Variants in MBD5 observed in about 807,000 individuals in gnomAD.
The protein encoded by MBD5 is methyl-CpG-binding domain protein 5.
In MBD5, 13 loss-of-function variants were observed where a neutral mutation model predicts 117.3. The observed-to-expected ratio is 0.11, with a 90% CI of 0.07 to 0.18. The LOEUF is 0.18. Ranked by LOEUF, MBD5 falls within the 10% of genes least tolerant of loss-of-function variation. The pLI is 1.00. For missense variants in MBD5, 1,879 were observed against 2,093.8 expected (o/e 0.90, Z 2.00); for synonymous variants, 727 against 766.4 (o/e 0.95, Z 0.85).
chr2:148,150,573 G>A (rs565231489), intron 1 of MBD5, among the ~76,000 whole-genome samples: 3 of 152,232 alleles, frequency 2.0e-5, no homozygotes, highest in East Asian at 3.9e-4. Context: ...TGACCCATGA[G>A]CATGGAATGT....
chr2:148,186,400 C>A (rs571647415), intron 2 of MBD5, among the ~76,000 whole-genome samples: 2 of 152,260 alleles, frequency 1.3e-5, no homozygotes, highest in South Asian at 4.1e-4. Flanking sequence ...AGCATGAAAA[C>A]AGACAAATAC....
intron 1 of MBD5, among the ~76,000 whole-genome samples, chr2:148,079,933 G>T (rs1695607834): frequency 6.6e-6 from 1 of 152,012 alleles, no homozygotes; most frequent in Admixed American, 6.6e-5. Context: ...TTTCCATAAA[G>T]TCCAGAACCT....
At chr2:148,499,400 T>C (rs1420087857) in intron 11 of MBD5, among the ~76,000 whole-genome samples, 1 of 152,210 alleles carries the variant, frequency 6.6e-6, no homozygotes, top group Non-Finnish European at 1.5e-5. Flanking sequence ...TTAAATGACA[T>C]GAGTAAAGAG....
At chr2:148,150,259 G>A (rs1312052460) in intron 1 of MBD5, among the ~76,000 whole-genome samples, 7 of 148,736 alleles carry the variant, frequency 4.7e-5, no homozygotes, top group African/African-American at 9.9e-5. Context: ...GTAGATATGC[G>A]GCGTTATTTC....
At chr2:148,166,524 C>T (rs1191997579) in intron 1 of MBD5, among the ~76,000 whole-genome samples, 1 of 152,184 alleles carries the variant, frequency 6.6e-6, no homozygotes, top group Non-Finnish European at 1.5e-5. Flanking sequence ...AGTGTTTCTC[C>T]CAAGTGCTGG....
At chr2:148,199,652 C>G (rs1237386983) in intron 2 of MBD5, among the ~76,000 whole-genome samples, 4 of 151,868 alleles carry the variant, frequency 2.6e-5, no homozygotes, top group Non-Finnish European at 5.9e-5. Flanking sequence ...CCAAGTTACC[C>G]TAGTGGCTGA....
chr2:148,349,427 T>C (rs1342018897), intron 4 of MBD5, among the ~76,000 whole-genome samples: 1 of 151,998 alleles, frequency 6.6e-6, no homozygotes, highest in Non-Finnish European at 1.5e-5. Flanking sequence ...ATTATCATCA[T>C]CATTACTCTG....
chr2:148,260,881 C>A (rs1485556242), intron 3 of MBD5, among the ~76,000 whole-genome samples: 1 of 152,146 alleles, frequency 6.6e-6, no homozygotes, highest in Non-Finnish European at 1.5e-5. Context: ...AAGACTTGAT[C>A]CGTGGGCTAC....
In MBD5 at chr2:148,489,844, C is replaced by T; in HGVS notation, c.4212C>T (p.Asp1404=). 6.2e-7 allele frequency: 1 copy of T among 1,613,920 alleles called. No individual in the cohort carries two copies. Among genetic ancestry groups the T allele is most frequent in the Middle Eastern group, 1.6e-4 (1 of 6,062 alleles). ...GGGCTCGGCTGCCCAAGAATCTAGACCATGGGAAAAATGTGAACGAAGGAG... is the reference window on the plus strand; with the variant it reads ...GGGCTCGGCTGCCCAAGAATCTAGATCATGGGAAAAATGTGAACGAAGGAG... ...SRGARLPKNL[D]HGKNVNEGDG... Residue 1404 remains aspartate, a synonymous_variant, in exon 11 of 14, where the codon GAC becomes GAT. Transcript: ENST00000642680.
At chr2:148,423,059 C>G (rs1705656117) in intron 4 of MBD5, among the ~76,000 whole-genome samples, 1 of 152,128 alleles carries the variant, frequency 6.6e-6, no homozygotes, top group Non-Finnish European at 1.5e-5. Flanking sequence ...GGCCAACATT[C>G]AAATTCAGGA....
intron 1 of MBD5, among the ~76,000 whole-genome samples, chr2:148,093,754 A>G (rs528788424): frequency 6.6e-6 from 1 of 152,134 alleles, no homozygotes. Context: ...ATGTTCATTG[A>G]GATGTTGAGG....
intron 1 of MBD5, among the ~76,000 whole-genome samples, chr2:148,140,618 C>T (rs957172910): frequency 6.6e-6 from 1 of 152,134 alleles, no homozygotes; most frequent in African/African-American, 2.4e-5. Flanking sequence ...CTATCTAAAA[C>T]TTGAATTTTA....
At chr2:148,092,813 TA>T (rs35292744) in intron 1 of MBD5, among the ~76,000 whole-genome samples, 71,079 of 149,158 alleles carry the variant, frequency 0.48, 17,714 homozygotes, top group Middle Eastern at 0.66. Flanking sequence ...CTTTTGAAAT[TA>T]AAAAAAAAAA....
intron 4 of MBD5, among the ~76,000 whole-genome samples, chr2:148,382,217 G>A (rs1423483125): frequency 3.3e-5 from 5 of 151,402 alleles, no homozygotes; most frequent in East Asian, 1.9e-4. Context: ...CCCATCTCAC[G>A]TGCAGAGACA....
chr2:148,513,096 A>T lies in MBD5; in HGVS notation c.*155A>T, dbSNP rs988564452. 4.0e-5 allele frequency: 30 copies of T among 755,114 alleles called. No individual in the cohort carries two copies. In the Admixed American group the frequency reaches 6.9e-4, roughly 17 times the overall value. The allele number at this position is 755,114 out of a possible 1,614,324, so 46.8% of individuals were successfully genotyped here. ...GTGCTAAAAGAAACAGTGATACAAAATTTTTTTGATCAGGAAGGATAATGA... is the reference window on the plus strand; with the variant it reads ...GTGCTAAAAGAAACAGTGATACAAATTTTTTTTGATCAGGAAGGATAATGA... On this transcript the variant is annotated 3_prime_UTR_variant, in exon 14 of 14. Coordinates refer to ENST00000642680, the MANE Select transcript of MBD5 (RefSeq NM_001378120.1).
intron 4 of MBD5, among the ~76,000 whole-genome samples, chr2:148,344,714 T>C (rs1251859755): frequency 6.6e-6 from 1 of 152,008 alleles, no homozygotes; most frequent in African/African-American, 2.4e-5. Flanking sequence ...GTGGAGTCTT[T>C]AGTGTTTTCA....
chr2:148,511,118 T>C (rs1682200963), intron 13 of MBD5, among the ~76,000 whole-genome samples: 1 of 152,130 alleles, frequency 6.6e-6, no homozygotes, highest in Non-Finnish European at 1.5e-5. Flanking sequence ...ATTCTTTCTG[T>C]ATCTAGTGAC....
Position 148,489,955 on chromosome 2 carries a change from C to G in MBD5, c.4323C>G (p.Asn1441Lys), listed in dbSNP as rs772884187. Residue 1441 changes from asparagine (N) to lysine (K), a missense_variant, in exon 11 of 14, where the codon AAC becomes AAG. Asn to Lys is a moderately conservative substitution (Grantham distance 94, BLOSUM62 0). This residue lies in a region of MBD5 where 1,666 missense variants were observed against 1,792.2 expected (regional missense o/e 0.93). Coordinates refer to ENST00000642680, the MANE Select transcript of MBD5 (RefSeq NM_001378120.1). ...AGCAAAGCCCCAGAGGGGAGCGAAA[C>G]AGGTGGAAGTACGAGGAATTTTTAG... ...DGEQSPRGER[N>K]RWKYEEFLDH... 1.2e-6 allele frequency: 2 copies of G among 1,613,866 alleles called. No individual in the cohort carries two copies. The highest frequency in any genetic ancestry group is 1.1e-5 in the South Asian group (1 of 91,042).
rs1306660611 is a variant in MBD5, at chr2:148,345,396, CAT to C, written c.-557+3066_-557+3067del. On this transcript the variant is annotated intron_variant, in intron 4 of 13. Transcript: ENST00000642680. Reference sequence around the variant, plus strand: ...ATACACATATACACATATACATATACATATATACACATATACATATACATATA... The same window carrying C: ...ATACACATATACACATATACATATACATATACACATATACATATACATATA... 8.5e-3 allele frequency among the ~76,000 whole-genome samples: 842 copies of C among 99,192 alleles called. 9 individuals carry two copies. Among genetic ancestry groups the C allele is most frequent in the Non-Finnish European group, 0.016 (634 of 40,578 alleles). 65.1% of individuals were successfully genotyped at this position (99,192 alleles called of 152,430 possible).
Sources: gnomAD v4.1 joint callset for allele counts (sites outside exome capture counted in the v4.1 genomes callset) on GRCh38, gnomAD v4.1.1 for gene constraint, gnomAD v4.1.1 regional missense constraint, MANE v1.5 for transcripts, NCBI Gene and HGNC (gene_info 2026-07-23, HGNC 2026-07-21) for gene names.